The following ANKS1B variants were observed in gnomAD, a reference collection of about 807,000 sequenced individuals.
ANKS1B encodes ankyrin repeat and sterile alpha motif domain containing 1B, also known as ankyrin repeat and sterile alpha motif domain-containing protein 1B.
ANKS1B carries 36 observed loss-of-function variants against 148.3 expected under a neutral mutation model. The ratio of observed to expected loss-of-function variants is 0.24; its 90% CI spans 0.19 to 0.32. The LOEUF (loss-of-function observed/expected upper bound fraction) is 0.32, where lower values mean the gene tolerates loss of function less well. ANKS1B is among the 10% of genes least tolerant of loss of function. The pLI, the probability that ANKS1B is intolerant of heterozygous loss-of-function variation, is 1.00. For synonymous variants in ANKS1B, 542 were observed against 560.8 expected (o/e 0.97, Z 0.47); for missense variants, 1,157 against 1,542.6 (o/e 0.75, Z 4.19).
chr12:99,938,059 T>C (rs1374284653), intron 1 of ANKS1B, among the ~76,000 whole-genome samples: 1 of 152,158 alleles, frequency 6.6e-6, no homozygotes, highest in Non-Finnish European at 1.5e-5. Flanking sequence ...GCAGGACCTG[T>C]GGCTTGTTTC....
chr12:99,294,055 G>C (rs2080461128), intron 12 of ANKS1B, among the ~76,000 whole-genome samples: 1 of 152,142 alleles, frequency 6.6e-6, no homozygotes, highest in African/African-American at 2.4e-5. Context: ...TGGAGAAAAG[G>C]GAACCCTCGT....
intron 15 of ANKS1B, among the ~76,000 whole-genome samples, chr12:99,145,716 A>G (rs1453747112): frequency 6.6e-6 from 1 of 152,094 alleles, no homozygotes; most frequent in Non-Finnish European, 1.5e-5. Flanking sequence ...TGCTTGCAGT[A>G]TAGCAGTGGC....
intron 17 of ANKS1B, among the ~76,000 whole-genome samples, chr12:98,918,095 C>T (rs2099796792): frequency 6.6e-6 from 1 of 152,196 alleles, no homozygotes; most frequent in Non-Finnish European, 1.5e-5. Flanking sequence ...ATGATACCTA[C>T]CATGTCAATA....
chr12:99,509,124 A>G (rs2096739295), intron 9 of ANKS1B, among the ~76,000 whole-genome samples: 1 of 151,742 alleles, frequency 6.6e-6, no homozygotes, highest in Non-Finnish European at 1.5e-5. Flanking sequence ...TAAGTGTAGT[A>G]TGTGTTCTGA....
intron 15 of ANKS1B, among the ~76,000 whole-genome samples, chr12:99,085,968 G>A (rs2051612133): frequency 6.6e-6 from 1 of 152,108 alleles, no homozygotes; most frequent in Admixed American, 6.5e-5. Context: ...CATGACACAA[G>A]TTTACCTACG....
chr12:99,101,945 C>A (rs2058043391), intron 15 of ANKS1B, among the ~76,000 whole-genome samples: 1 of 152,014 alleles, frequency 6.6e-6, no homozygotes, highest in Non-Finnish European at 1.5e-5. Flanking sequence ...TGAGAGGAGG[C>A]TGAAGTTTGG....
chr12:99,556,414 G>A (rs2097277007), intron 9 of ANKS1B, among the ~76,000 whole-genome samples: 1 of 151,626 alleles, frequency 6.6e-6, no homozygotes, highest in South Asian at 2.1e-4. Context: ...TTTTGGGGGG[G>A]AGCATGGCTT....
intron 17 of ANKS1B, among the ~76,000 whole-genome samples, chr12:98,841,361 T>C (rs2099404804): frequency 1.3e-5 from 2 of 152,058 alleles, no homozygotes; most frequent in South Asian, 4.2e-4. Context: ...GGTTACTCCG[T>C]TTTTGGATTA....
rs976741367 is a variant in ANKS1B at position 99,281,125 on chromosome 12, G to A, written c.1757-34261C>T. Among the ~76,000 whole-genome samples the A allele has an allele frequency of 2.0e-5, 3 of 152,166 alleles. No homozygotes were observed. The East Asian group carries it at 5.8e-4, about 30-fold the overall frequency. Reference sequence around the variant, plus strand: ...GGGGCCACAAAATGGTAGGCATCTGGGGTCCCTGAATAAAGCATAAGAAGA... The same window carrying A: ...GGGGCCACAAAATGGTAGGCATCTGAGGTCCCTGAATAAAGCATAAGAAGA... On this transcript the variant is annotated intron_variant, in intron 12 of 26. Transcript: ENST00000683438.
At chr12:99,742,472 T>A (rs189790876) in intron 8 of ANKS1B, among the ~76,000 whole-genome samples, 2 of 152,262 alleles carry the variant, frequency 1.3e-5, no homozygotes, top group Non-Finnish European at 2.9e-5. Flanking sequence ...GCAAAATTTT[T>A]AAATCTAAGT....
chr12:99,245,799 G>A (rs893678857), intron 13 of ANKS1B, among the ~76,000 whole-genome samples: 1 of 152,160 alleles, frequency 6.6e-6, no homozygotes, highest in Non-Finnish European at 1.5e-5. Flanking sequence ...CAAATGATGT[G>A]TGTTTATTGT....
In ANKS1B at chr12:98,918,078, G is replaced by A. The variant is rs566745683; in HGVS notation, c.2779-85942C>T. Among the ~76,000 whole-genome samples the A allele has an allele frequency of 5.9e-5, 9 of 152,306 alleles. No homozygotes were observed. The South Asian group carries it at 1.5e-3, about 25-fold the overall frequency. On this transcript the variant is annotated intron_variant, in intron 17 of 26. Coordinates refer to ENST00000683438, the MANE Select transcript of ANKS1B (RefSeq NM_001352186.2). ...ACAGGCAGTGGAACTATGCTATACA[G>A]GCCAAGATGATACCTACCATGTCAA...
At chr12:99,217,694 C>T (rs2084435908) in intron 14 of ANKS1B, among the ~76,000 whole-genome samples, 1 of 152,074 alleles carries the variant, frequency 6.6e-6, no homozygotes, top group African/African-American at 2.4e-5. Context: ...CCCTTGTCTC[C>T]ATCTCTTTGG....
At chr12:98,803,948 C>G (rs968610766) in intron 20 of ANKS1B, among the ~76,000 whole-genome samples, 1 of 152,146 alleles carries the variant, frequency 6.6e-6, no homozygotes, top group African/African-American at 2.4e-5. Context: ...ATAACAAGCC[C>G]CAGCACATAC....
At chr12:99,894,508 C>CA (rs777618998) in intron 1 of ANKS1B, among the ~76,000 whole-genome samples, 26,887 of 63,406 alleles carry the variant, frequency 0.42, 4,726 homozygotes, top group African/African-American at 0.49. Context: ...GACCCTGTCT[C>CA]AAAAAAAAAA....
chr12:99,637,163 T>C (rs1339961348), intron 9 of ANKS1B, among the ~76,000 whole-genome samples: 1 of 151,920 alleles, frequency 6.6e-6, no homozygotes, highest in Non-Finnish European at 1.5e-5. Flanking sequence ...AAAAAGAAAA[T>C]TAGCTGGGCA....
At position 99,828,993 on chromosome 12, in the gene ANKS1B, A is replaced by G. The variant is rs12318557; in HGVS notation, c.135-3604T>C. 3.3e-3 allele frequency among the ~76,000 whole-genome samples: 506 copies of G among 152,276 alleles called. 5 individuals are homozygous for G. The highest frequency in any genetic ancestry group is 0.011 in the African/African-American group (468 of 41,540). ...ATGAGACTCTGTCTCAAAAATAAAA[A>G]GTAAAAAATAAAGCTCATGAAGTAT... On this transcript the variant is annotated intron_variant, in intron 1 of 26. Coordinates refer to ENST00000683438, the MANE Select transcript of ANKS1B (RefSeq NM_001352186.2).
intron 1 of ANKS1B, among the ~76,000 whole-genome samples, chr12:99,959,292 T>C (rs1192393743): frequency 2.1e-5 from 3 of 143,524 alleles, no homozygotes; most frequent in African/African-American, 7.8e-5. Flanking sequence ...TTAGCCAGGA[T>C]GGTCTCGATC....
chr12:99,290,743 CA>C (rs1170579484), intron 12 of ANKS1B, among the ~76,000 whole-genome samples: 2 of 151,898 alleles, frequency 1.3e-5, no homozygotes, highest in East Asian at 3.9e-4. Context: ...TAAAAACTCT[CA>C]AAAAACTGGG....
Sources: gnomAD v4.1 joint callset for allele counts (sites outside exome capture counted in the v4.1 genomes callset) on GRCh38, gnomAD v4.1.1 for gene constraint, MANE v1.5 for transcripts, NCBI Gene and HGNC (gene_info 2026-07-23, HGNC 2026-07-21) for gene names.